CFAP100: variants seen among roughly 807,000 people sequenced by gnomAD.
CFAP100 encodes the protein cilia and flagella associated protein 100, also known as cilia- and flagella-associated protein 100.
CFAP100 carries 70 observed loss-of-function variants against 81.5 expected under a neutral mutation model. The observed-to-expected ratio is 0.86, with a 90% CI of 0.71 to 1.05. The LOEUF (loss-of-function observed/expected upper bound fraction) is 1.05. Among genes scored for constraint, CFAP100 ranks in the 50% least tolerant of loss-of-function variants. The pLI, the probability that CFAP100 is intolerant of heterozygous loss-of-function variation, is 0.00. For synonymous variants in CFAP100, 341 were observed against 314.8 expected (o/e 1.08, Z -0.88); for missense variants, 811 against 776.5 (o/e 1.04, Z -0.53).
Position 126,416,418 on chromosome 3 carries a change from G to T in CFAP100, c.328G>T (p.Asp110Tyr), listed in dbSNP as rs762742448. The change falls in exon 5 of 17, where the codon GAC (aspartate) becomes TAC (tyrosine). Residue 110 changes from aspartate (D) to tyrosine (Y), a missense_variant. By Grantham distance (160) the Asp-to-Tyr change is radical. Coordinates refer to ENST00000352312, the MANE Select transcript of CFAP100 (RefSeq NM_182628.3). ...TSLRRQLQLE[D>Y]KQEDLEARAE... ...CCTGCGGCGGCAGCTGCAGCTGGAG[G>T]ACAAGCAGGAGGACCTGGAGGCGCG... 6.2e-7 allele frequency: 1 copy of T among 1,612,072 alleles called. No individual in the cohort carries two copies. The highest frequency in any genetic ancestry group is 8.5e-7 in the Non-Finnish European group (1 of 1,179,560).
At chr3:126,404,790 T>TCAGCCTCC (rs1398424411) in intron 2 of CFAP100, among the ~76,000 whole-genome samples, 1 of 152,180 alleles carries the variant, frequency 6.6e-6, no homozygotes, top group Non-Finnish European at 1.5e-5. Flanking sequence ...TTCTCCTGCC[T>TCAGCCTCC]CAGCCTCCCA....
intron 2 of CFAP100, among the ~76,000 whole-genome samples, chr3:126,397,336 C>A (rs79255850): frequency 6.6e-6 from 1 of 152,104 alleles, no homozygotes; most frequent in Non-Finnish European, 1.5e-5. Context: ...GGTGTGCACA[C>A]GCTCTCTCGT....
chr3:126,417,266 G>T (rs1224926322), intron 5 of CFAP100, among the ~76,000 whole-genome samples: 1 of 151,372 alleles, frequency 6.6e-6, no homozygotes, highest in Non-Finnish European at 1.5e-5. Flanking sequence ...TGTGGGGATT[G>T]AATGTGCTAA....
intron 13 of CFAP100, among the ~76,000 whole-genome samples, chr3:126,429,412 A>C (rs1933098614): frequency 1.3e-5 from 2 of 151,826 alleles, no homozygotes; most frequent in Non-Finnish European, 1.5e-5. Context: ...ATTTTATGTT[A>C]ATCTTCTTTT....
chr3:126,420,318 C>A, intron 11 of CFAP100, 89 bp downstream of exon 11: 1 of 1,528,364 alleles, frequency 6.5e-7, no homozygotes. Flanking sequence ...CTGAGTGCCA[C>A]AGAAAAGAAA....
intron 7 of CFAP100, 135 bp downstream of exon 7, chr3:126,418,909 C>T: frequency 8.4e-7 from 1 of 1,194,126 alleles, no homozygotes; most frequent in Non-Finnish European, 1.2e-6. Context: ...CGGTCGGGAG[C>T]CAAGGGCAGG....
intron 13 of CFAP100, among the ~76,000 whole-genome samples, chr3:126,429,197 T>C (rs1409653490): frequency 6.6e-6 from 1 of 151,316 alleles, no homozygotes; most frequent in Non-Finnish European, 1.5e-5. Context: ...CATGAGGTCC[T>C]GTGCTTTTAT....
chr3:126,419,771 C>T lies in CFAP100; in HGVS notation c.866C>T (p.Ser289Phe). 1 of 1,613,992 alleles carries T rather than the reference C, an allele frequency of 6.2e-7. No homozygotes were observed. Among genetic ancestry groups the T allele is most frequent in the African/African-American group, 1.3e-5 (1 of 75,052 alleles). ...TTTCTCAAAAAGGCCAAGGAGGTCTCCGAGGCTTCCAAAGAGAGCAGTGTT... is the reference window on the plus strand; with the variant it reads ...TTTCTCAAAAAGGCCAAGGAGGTCTTCGAGGCTTCCAAAGAGAGCAGTGTT... ...HSFLKKAKEVSEASKESSVNS... is the reference protein window; with the variant it reads ...HSFLKKAKEVFEASKESSVNS... The change falls in exon 9 of 17, where the codon TCC (serine) becomes TTC (phenylalanine). Residue 289 changes from serine (S) to phenylalanine (F), a missense_variant. Physicochemically the swap from Ser to Phe is radical, Grantham distance 155. Coordinates refer to ENST00000352312, the MANE Select transcript of CFAP100 (RefSeq NM_182628.3).
chr3:126,425,988 A>G (rs949317729), intron 13 of CFAP100, among the ~76,000 whole-genome samples: 1 of 152,234 alleles, frequency 6.6e-6, no homozygotes, highest in Non-Finnish European at 1.5e-5. Flanking sequence ...AAGCTTTCTC[A>G]TGAGATCAGA....
chr3:126,435,798 G>A, intron 16 of CFAP100, 146 bp downstream of exon 16: 1 of 627,918 alleles, frequency 1.6e-6, no homozygotes, highest in East Asian at 2.9e-5. Context: ...TTCGGAGCAA[G>A]GCCTCTCCCA....
Position 126,416,521 on chromosome 3 carries a change from CG to C in CFAP100, c.418+15del. On this transcript the variant is annotated intron_variant, in intron 5 of 16. Transcript: ENST00000352312. ...ACCTTGACCAAAGGTGCGTCCCCTCCGGCGCGGGGGGACCTGGGCCAGTGGC... is the reference window on the plus strand; with the variant it reads ...ACCTTGACCAAAGGTGCGTCCCCTCCGCGCGGGGGGACCTGGGCCAGTGGC... 1 of 1,551,806 alleles carries C rather than the reference CG, an allele frequency of 6.4e-7. No homozygotes were observed. Among genetic ancestry groups the C allele is most frequent in the Non-Finnish European group, 8.7e-7 (1 of 1,146,750 alleles).
intron 2 of CFAP100, among the ~76,000 whole-genome samples, chr3:126,406,717 A>C (rs1020868999): frequency 1.3e-5 from 2 of 152,256 alleles, no homozygotes; most frequent in Non-Finnish European, 2.9e-5. Flanking sequence ...GCCACTCCTC[A>C]CGGTGGGATA....
At chr3:126,418,967 C>T (rs767982107) in intron 7 of CFAP100, 109 bp from the exon 8 acceptor site, 67 of 981,942 alleles carry the variant, frequency 6.8e-5, no homozygotes, top group Admixed American at 1.1e-4. Flanking sequence ...CAGCCCTGTC[C>T]GGAGCCGGGC....
At chr3:126,432,784 C>A (rs537733895) in intron 13 of CFAP100, 230 of 270,406 alleles carry the variant, frequency 8.5e-4, no homozygotes, top group Non-Finnish European at 1.3e-3. Flanking sequence ...TAAAAAATTA[C>A]TGACTTGTAT....
intron 11 of CFAP100, among the ~76,000 whole-genome samples, chr3:126,422,429 G>A (rs2083347514): frequency 6.6e-6 from 1 of 152,208 alleles, no homozygotes; most frequent in Admixed American, 6.5e-5. Context: ...TGGGGATCAG[G>A]GGCTGGCATC....
At chr3:126,431,619 G>A (rs1933231428) in intron 13 of CFAP100, among the ~76,000 whole-genome samples, 1 of 152,170 alleles carries the variant, frequency 6.6e-6, no homozygotes, top group Non-Finnish European at 1.5e-5. Flanking sequence ...TGTTTCTGTG[G>A]AAGGACAAGA....
At chr3:126,424,622 T>C (rs2083382831) in intron 13 of CFAP100, among the ~76,000 whole-genome samples, 1 of 152,264 alleles carries the variant, frequency 6.6e-6, no homozygotes, top group African/African-American at 2.4e-5. Flanking sequence ...GCATCCGTTC[T>C]GGGTCAGGCC....
rs776178307 is a variant in CFAP100, at chr3:126,419,625, GC to G, written c.732-8del. 15 of 1,610,940 alleles carry G rather than the reference GC, an allele frequency of 9.3e-6. No individual in the cohort carries two copies. Among genetic ancestry groups the G allele is most frequent in the African/African-American group, 1.3e-5 (1 of 74,838 alleles). On this transcript the variant is annotated splice_polypyrimidine_tract_variant and intron_variant, in intron 8 of 16. Coordinates refer to ENST00000352312, the MANE Select transcript of CFAP100 (RefSeq NM_182628.3). ...CTCCTCCTTCCCACATCCTCACCCC[GC>G]CCCGGTGTAGTGAGATCTCCAGATT... is the stretch of plus-strand genomic sequence containing the variant.
intron 2 of CFAP100, among the ~76,000 whole-genome samples, chr3:126,404,188 C>A (rs1158422180): frequency 6.6e-6 from 1 of 152,200 alleles, no homozygotes; most frequent in Non-Finnish European, 1.5e-5. Flanking sequence ...CCTTTGTGAC[C>A]TGTTAGAGTG....
Sources: gnomAD v4.1 joint callset for allele counts (sites outside exome capture counted in the v4.1 genomes callset) on GRCh38, gnomAD v4.1.1 for gene constraint, MANE v1.5 for transcripts, NCBI Gene and HGNC (gene_info 2026-07-23, HGNC 2026-07-21) for gene names.